The following FRMD4A variants were observed in gnomAD, a reference collection of about 807,000 sequenced individuals.
The protein encoded by FRMD4A is FERM domain containing 4A.
A neutral mutation model predicts 129.1 loss-of-function variants in FRMD4A; 29 were observed. The ratio of observed to expected loss-of-function variants is 0.22; its 90% CI spans 0.17 to 0.31. The LOEUF is 0.31. Ranked by LOEUF, FRMD4A falls within the 10% of genes least tolerant of loss-of-function variation. The pLI is 1.00. For missense variants in FRMD4A, 1,272 were observed against 1,375.8 expected (o/e 0.92, Z 1.19); for synonymous variants, 634 against 571.6 (o/e 1.11, Z -1.56).
intron 2 of FRMD4A, among the ~76,000 whole-genome samples, chr10:14,101,524 G>C (rs1837300887): frequency 6.6e-6 from 1 of 152,156 alleles, no homozygotes; most frequent in African/African-American, 2.4e-5. Flanking sequence ...CATCTTTTGA[G>C]ATAGGAGGAG....
At chr10:14,000,411 C>T (rs1429508633) in intron 2 of FRMD4A, among the ~76,000 whole-genome samples, 2 of 151,892 alleles carry the variant, frequency 1.3e-5, no homozygotes, top group Non-Finnish European at 2.9e-5. Flanking sequence ...GTTTGGGAGG[C>T]TAAAGCGGGT....
intron 2 of FRMD4A, among the ~76,000 whole-genome samples, chr10:13,962,472 C>G (rs762193997): frequency 6.6e-5 from 10 of 152,018 alleles, no homozygotes; most frequent in African/African-American, 2.4e-4. Context: ...AAAAGGCAAG[C>G]GTTTGTGAAG....
At chr10:14,211,934 G>A (rs1842943470) in intron 2 of FRMD4A, among the ~76,000 whole-genome samples, 1 of 152,192 alleles carries the variant, frequency 6.6e-6, no homozygotes, top group Non-Finnish European at 1.5e-5. Flanking sequence ...CAGCACTGGG[G>A]AAGTGGCTGC....
At chr10:13,986,389 T>A (rs962548060) in intron 2 of FRMD4A, among the ~76,000 whole-genome samples, 8 of 149,228 alleles carry the variant, frequency 5.4e-5, no homozygotes, top group African/African-American at 2.0e-4. Flanking sequence ...CAGTAAACTA[T>A]CACAAGGACA....
intron 2 of FRMD4A, among the ~76,000 whole-genome samples, chr10:14,001,848 G>A (rs1218727798): frequency 6.6e-6 from 1 of 152,178 alleles, no homozygotes; most frequent in Non-Finnish European, 1.5e-5. Flanking sequence ...GTTCTTGGCT[G>A]CCTGCGCTCA....
intron 2 of FRMD4A, among the ~76,000 whole-genome samples, chr10:13,906,340 G>A (rs1589232233): frequency 6.6e-6 from 1 of 152,158 alleles, no homozygotes; most frequent in East Asian, 1.9e-4. Flanking sequence ...GTGGTCAGCA[G>A]TACAGGCTAT....
intron 2 of FRMD4A, among the ~76,000 whole-genome samples, chr10:14,140,130 C>T (rs572560190): frequency 5.1e-4 from 78 of 152,226 alleles, no homozygotes; most frequent in African/African-American, 1.8e-3. Flanking sequence ...GGCATGATCT[C>T]GGCTCACTGC....
At chr10:13,835,215 C>T (rs948135930) in intron 3 of FRMD4A, among the ~76,000 whole-genome samples, 4 of 152,198 alleles carry the variant, frequency 2.6e-5, no homozygotes, top group African/African-American at 9.7e-5. Context: ...CCTCAGCAAC[C>T]TACTTAACTC....
At chr10:14,213,426 G>A (rs1842984853) in intron 2 of FRMD4A, among the ~76,000 whole-genome samples, 1 of 152,128 alleles carries the variant, frequency 6.6e-6, no homozygotes, top group African/African-American at 2.4e-5. Flanking sequence ...TTATCTTTGA[G>A]CTCAGAGAGG....
intron 2 of FRMD4A, among the ~76,000 whole-genome samples, chr10:14,231,253 G>A (rs1843628360): frequency 6.6e-6 from 1 of 151,982 alleles, no homozygotes; most frequent in Admixed American, 6.5e-5. Context: ...GTGCATGAGT[G>A]TTCCCTTTTT....
chr10:13,780,326 C>CAAAAAA (rs35947539), intron 6 of FRMD4A, among the ~76,000 whole-genome samples: 1 of 145,566 alleles, frequency 6.9e-6, no homozygotes, highest in Non-Finnish European at 1.5e-5. Context: ...GACTGTGTCT[C>CAAAAAA]AAAAAAAAAA....
intron 2 of FRMD4A, among the ~76,000 whole-genome samples, chr10:14,071,838 G>A (rs1381607234): frequency 6.6e-6 from 1 of 152,032 alleles, no homozygotes; most frequent in Non-Finnish European, 1.5e-5. Context: ...ACTGGGTGAG[G>A]GTGGACTCTT....
intron 2 of FRMD4A, among the ~76,000 whole-genome samples, chr10:14,059,892 T>A (rs1475426108): frequency 6.6e-6 from 1 of 152,230 alleles, no homozygotes; most frequent in Non-Finnish European, 1.5e-5. Flanking sequence ...CAGGTATGAA[T>A]GTATTTGATA....
At chr10:13,707,990 T>C (rs2087641109) in intron 12 of FRMD4A, 1 of 615,794 alleles carries the variant, frequency 1.6e-6, no homozygotes, top group Non-Finnish European at 2.0e-6. Flanking sequence ...AAAGTTACTT[T>C]AACCCTCTGG....
Position 13,821,458 on chromosome 10 carries a change from C to T in FRMD4A, c.112-10550G>A, listed in dbSNP as rs940488282. 1.1e-4 allele frequency among the ~76,000 whole-genome samples: 17 copies of T among 152,272 alleles called. No individual in the cohort carries two copies. The highest frequency in any genetic ancestry group is 2.9e-4 in the African/African-American group (12 of 41,562). On this transcript the variant is annotated intron_variant, in intron 3 of 24. Coordinates refer to ENST00000357447, the MANE Select transcript of FRMD4A (RefSeq NM_018027.5). The surrounding 1 kb of genome is among the most constrained non-coding windows in gnomAD (Gnocchi z 4.3). ...CCAGAGGTCCCTGCCCAGCCTGAACCGGGATCCATTCGTGCACATGAGACA... is the reference window on the plus strand; with the variant it reads ...CCAGAGGTCCCTGCCCAGCCTGAACTGGGATCCATTCGTGCACATGAGACA...
chr10:13,935,214 G>A (rs530529844), intron 2 of FRMD4A, among the ~76,000 whole-genome samples: 2 of 152,158 alleles, frequency 1.3e-5, no homozygotes, highest in South Asian at 4.2e-4. Context: ...TGAGCAGGCG[G>A]ATCACCTGAG....
At chr10:13,699,236 T>TGTTTG (rs56671340) in intron 14 of FRMD4A, among the ~76,000 whole-genome samples, 28,948 of 142,044 alleles carry the variant, frequency 0.2, 3,472 homozygotes, top group Non-Finnish European at 0.25. Flanking sequence ...TTTTTTTTTT[T>TGTTTG]TTTTTTTTTT....
intron 2 of FRMD4A, among the ~76,000 whole-genome samples, chr10:13,989,343 T>C (rs1359246511): frequency 6.6e-6 from 1 of 152,152 alleles, no homozygotes; most frequent in Admixed American, 6.6e-5. Context: ...TATTAGATGA[T>C]CATTAGTAAT....
intron 4 of FRMD4A, among the ~76,000 whole-genome samples, chr10:13,808,534 A>G (rs1043570761): frequency 6.6e-6 from 1 of 152,182 alleles, no homozygotes; most frequent in Non-Finnish European, 1.5e-5. Flanking sequence ...TACCAGGAAA[A>G]GGAGAAAAGT....
Sources: gnomAD v4.1 joint callset for allele counts (sites outside exome capture counted in the v4.1 genomes callset) on GRCh38, gnomAD v4.1.1 for gene constraint, Gnocchi (gnomAD v3.1) non-coding constraint, MANE v1.5 for transcripts, NCBI Gene and HGNC (gene_info 2026-07-23, HGNC 2026-07-21) for gene names.